Variants in ZBTB20 observed in about 807,000 individuals in gnomAD.
ZBTB20 encodes the protein zinc finger and BTB domain containing 20.
Under a neutral mutation model 56.9 loss-of-function variants are expected in ZBTB20, and 9 were observed. The ratio of observed to expected loss-of-function variants is 0.16; its 90% CI spans 0.10 to 0.28. The LOEUF (loss-of-function observed/expected upper bound fraction) is 0.28. Ranked by LOEUF, ZBTB20 falls within the 10% of genes least tolerant of loss-of-function variation. The probability of loss-of-function intolerance (pLI) is 1.00; values close to 1 mark genes in which losing one functional copy is unlikely to be tolerated. For missense variants in ZBTB20, 655 were observed against 1,003.0 expected, an observed-to-expected ratio of 0.65 and a Z score of 4.69; for synonymous variants, 417 against 420.7, an observed-to-expected ratio of 0.99 and a Z score of 0.11.
At chr3:114,853,702 A>T (rs898795783) in intron 4 of ZBTB20, among the ~76,000 whole-genome samples, 1 of 152,246 alleles carries the variant, frequency 6.6e-6, no homozygotes, top group Non-Finnish European at 1.5e-5. Flanking sequence ...TTAAAAATCT[A>T]AACTAAACTT....
At position 114,685,491 on chromosome 3, in the gene ZBTB20, G is replaced by C. The variant is rs142687700; in HGVS notation, c.-295+8037C>G. Among the ~76,000 whole-genome samples the C allele has an allele frequency of 5.3e-5, 8 of 152,296 alleles. No homozygotes were observed. The East Asian group carries it at 1.2e-3, about 22-fold the overall frequency. On this transcript the variant is annotated intron_variant, in intron 6 of 11. Transcript: ENST00000675478. ...CGGCAGGTTTCACTCTTGTAGCTCT[G>C]CTACGCAATGTGCAGCTGGGACTCT...
At chr3:114,688,884 AGAG>A (rs2062521931) in intron 6 of ZBTB20, among the ~76,000 whole-genome samples, 2 of 152,188 alleles carry the variant, frequency 1.3e-5, no homozygotes, top group Admixed American at 1.3e-4. Context: ...ATGTTTTCAT[AGAG>A]GAGGACAGAA....
chr3:114,925,969 A>T (rs2076143273), intron 3 of ZBTB20, among the ~76,000 whole-genome samples: 1 of 152,206 alleles, frequency 6.6e-6, no homozygotes, highest in African/African-American at 2.4e-5. Flanking sequence ...CTAATCTCAT[A>T]TTGAAAAATT....
intron 2 of ZBTB20, among the ~76,000 whole-genome samples, chr3:115,005,795 G>T (rs527835688): frequency 6.6e-6 from 1 of 151,786 alleles, no homozygotes; most frequent in South Asian, 2.1e-4. Context: ...CTCACTAACT[G>T]CCTTGATAAT....
intron 6 of ZBTB20, among the ~76,000 whole-genome samples, chr3:114,518,284 A>G (rs1420530118): frequency 6.6e-6 from 1 of 152,184 alleles, no homozygotes; most frequent in Non-Finnish European, 1.5e-5. Flanking sequence ...AGAACTAAAC[A>G]CAAGAGAAGG....
At chr3:114,584,576 G>C (rs2054982364) in intron 6 of ZBTB20, among the ~76,000 whole-genome samples, 1 of 151,692 alleles carries the variant, frequency 6.6e-6, no homozygotes, top group Non-Finnish European at 1.5e-5. Context: ...TGTCCTCTGA[G>C]GTAGTTGTTC....
At chr3:114,991,835 A>T (rs1276768118) in intron 2 of ZBTB20, among the ~76,000 whole-genome samples, 2 of 152,072 alleles carry the variant, frequency 1.3e-5, no homozygotes, top group Admixed American at 6.6e-5. Flanking sequence ...TTCTTTTTGA[A>T]TTGATCCCTT....
chr3:114,438,815 G>C (rs1387398204), intron 7 of ZBTB20, among the ~76,000 whole-genome samples: 2 of 152,092 alleles, frequency 1.3e-5, no homozygotes, highest in Non-Finnish European at 2.9e-5. Context: ...GCCAGGCATA[G>C]GGCCCGTCCA....
At chr3:114,917,055 T>C (rs889090791) in intron 3 of ZBTB20, among the ~76,000 whole-genome samples, 3 of 152,156 alleles carry the variant, frequency 2.0e-5, no homozygotes, top group African/African-American at 7.2e-5. Context: ...GCATGCTTCA[T>C]TCTTTTTTAT....
chr3:114,380,297 G>A lies in ZBTB20; in HGVS notation c.119C>T (p.Ala40Val), dbSNP rs1195889477. 1.3e-6 allele frequency: 2 copies of A among 1,537,176 alleles called. No homozygotes were observed. Among genetic ancestry groups the A allele is most frequent in the African/African-American group, 1.4e-5 (1 of 73,160 alleles). ...KPGLPCLNFE[A>V]VLSPDPALIH... is the part of the protein sequence containing the mutation. ...GAGGGCTGGGTCTGGAGACAAAACA[G>A]CTTCAAAGTTCAGGCAGGGAAGGCC... The change falls in exon 10 of 12, where the codon GCT becomes GTT. Residue 40 changes from alanine (A) to valine (V), a missense_variant. Ala to Val is a moderately conservative substitution (Grantham distance 64). This residue lies in a region of ZBTB20 where 79 missense variants were observed against 78.4 expected (regional missense o/e 1.01). Transcript: ENST00000675478.
At chr3:115,004,322 A>G (rs2079378817) in intron 2 of ZBTB20, among the ~76,000 whole-genome samples, 1 of 151,784 alleles carries the variant, frequency 6.6e-6, no homozygotes, top group Non-Finnish European at 1.5e-5. Context: ...AAAATGACCA[A>G]AAAGATGCCT....
At chr3:114,759,390 C>T (rs1006269393) in intron 5 of ZBTB20, 3 of 152,078 alleles carry the variant, frequency 2.0e-5, no homozygotes, top group African/African-American at 7.2e-5. Flanking sequence ...ATATAGAGGA[C>T]ATCTCAGTTG....
intron 4 of ZBTB20, among the ~76,000 whole-genome samples, chr3:114,819,205 A>G (rs1018216627): frequency 6.6e-6 from 1 of 151,988 alleles, no homozygotes; most frequent in African/African-American, 2.4e-5. Flanking sequence ...TATGAATAAA[A>G]AGATACAATC....
chr3:115,123,779 G>A (rs1253740627), intron 1 of ZBTB20, among the ~76,000 whole-genome samples: 2 of 152,188 alleles, frequency 1.3e-5, no homozygotes, highest in East Asian at 3.8e-4. Context: ...GACTGGCTTT[G>A]ATGCTAATGT....
intron 6 of ZBTB20, chr3:114,519,225 C>A (rs1000699931): frequency 5.9e-5 from 9 of 152,140 alleles, no homozygotes; most frequent in Non-Finnish European, 1.0e-4. Flanking sequence ...TCTGTCTCTA[C>A]AATGCAAGTA....
chr3:114,691,714 C>A (rs1449453838), intron 6 of ZBTB20, among the ~76,000 whole-genome samples: 1 of 151,794 alleles, frequency 6.6e-6, no homozygotes, highest in Admixed American at 6.6e-5. Context: ...ATGATAACAT[C>A]ATGTTTTAAA....
intron 3 of ZBTB20, among the ~76,000 whole-genome samples, chr3:114,945,873 G>A (rs2076869510): frequency 6.9e-6 from 1 of 144,734 alleles, no homozygotes; most frequent in South Asian, 2.1e-4. Flanking sequence ...CGAAAAGAAG[G>A]CTAATATCAC....
intron 3 of ZBTB20, among the ~76,000 whole-genome samples, chr3:114,904,832 C>T (rs1448507509): frequency 2.6e-5 from 4 of 151,850 alleles, no homozygotes; most frequent in Admixed American, 2.0e-4. Context: ...AGATAAAGTG[C>T]AATAAAGAAG....
At chr3:114,458,770 C>T (rs886760254) in intron 7 of ZBTB20, among the ~76,000 whole-genome samples, 1 of 151,538 alleles carries the variant, frequency 6.6e-6, no homozygotes, top group African/African-American at 2.4e-5. Flanking sequence ...GAATAATCTT[C>T]AAATTATGAA....
Sources: gnomAD v4.1 joint callset for allele counts (sites outside exome capture counted in the v4.1 genomes callset) on GRCh38, gnomAD v4.1.1 for gene constraint, gnomAD v4.1.1 regional missense constraint, MANE v1.5 for transcripts, NCBI Gene and HGNC (gene_info 2026-07-23, HGNC 2026-07-21) for gene names.